APBB2: variants seen among roughly 807,000 people sequenced by gnomAD.
APBB2 encodes amyloid beta precursor protein binding family B member 2.
Under a neutral mutation model 82.5 loss-of-function variants are expected in APBB2, and 38 were observed. The ratio of observed to expected loss-of-function variants is 0.46; its 90% CI spans 0.36 to 0.60. The LOEUF is 0.60. Among genes scored for constraint, APBB2 ranks in the 20% least tolerant of loss-of-function variants. APBB2 has a pLI of 0.00. For synonymous variants in APBB2, 341 were observed against 368.2 expected, an observed-to-expected ratio of 0.93 and a Z score of 0.85; for missense variants, 772 against 972.3, an observed-to-expected ratio of 0.79 and a Z score of 2.74.
At chr4:41,170,471 C>T (rs1162327783) in intron 1 of APBB2, among the ~76,000 whole-genome samples, 3 of 152,172 alleles carry the variant, frequency 2.0e-5, no homozygotes, top group Non-Finnish European at 4.4e-5. Flanking sequence ...AACATCATCA[C>T]TTCCATAATA....
At chr4:40,823,181 A>T (rs1481495823) in intron 16 of APBB2, among the ~76,000 whole-genome samples, 1 of 152,186 alleles carries the variant, frequency 6.6e-6, no homozygotes, top group Non-Finnish European at 1.5e-5. Flanking sequence ...TCTGTGCTTC[A>T]ATTTCTTCAA....
chr4:41,024,920 C>G (rs1489108218), intron 5 of APBB2, among the ~76,000 whole-genome samples: 2 of 152,244 alleles, frequency 1.3e-5, no homozygotes, highest in Admixed American at 1.3e-4. Context: ...GAACCTGTCA[C>G]AATTTAATTA....
At chr4:40,821,046 T>C (rs981963028) in intron 17 of APBB2, among the ~76,000 whole-genome samples, 1 of 152,170 alleles carries the variant, frequency 6.6e-6, no homozygotes, top group Admixed American at 6.5e-5. Flanking sequence ...TTTGTATTTT[T>C]AGTAGAGACA....
Position 41,014,091 on chromosome 4 carries a change from C to T in APBB2, c.327G>A (p.Lys109=). 2 of 1,614,182 alleles carry T rather than the reference C, an allele frequency of 1.2e-6. No homozygotes were observed. The highest frequency in any genetic ancestry group is 1.7e-6 in the Non-Finnish European group (2 of 1,180,040). The change falls in exon 6 of 18, where the codon AAG becomes AAA. Residue 109 remains lysine, a synonymous_variant. Coordinates refer to ENST00000508593, the MANE Select transcript of APBB2 (RefSeq NM_004307.2). ...GGTCCTGCTGCCCTTGCTCTGCAGC[C>T]TTACGGAGCTGGTTCTCCCCATTTT... is the stretch of plus-strand genomic sequence containing the variant. The part of the protein sequence containing the change: ...LVKNGENQLR[K]AAEQGQQDPN...
At chr4:40,893,505 C>T (rs1024304480) in intron 10 of APBB2, 94 bp from the exon 11 acceptor site, 2 of 1,153,144 alleles carry the variant, frequency 1.7e-6, no homozygotes, top group Non-Finnish European at 2.4e-6. Context: ...AAAGGTACTA[C>T]ACTTAATGCA....
In APBB2 at chr4:40,945,081, A is replaced by AC; in HGVS notation, c.836-9_836-8insG. ...GATCACTCCATATATCTGCTGAAAA[A>AC]TTGGGGGGCGGGGCGGGGGGAGAAA... On this transcript the variant is annotated splice_polypyrimidine_tract_variant and intron_variant, in intron 6 of 17. Transcript: ENST00000508593. 2.7e-6 allele frequency: 2 copies of AC among 735,176 alleles called. No individual in the cohort carries two copies. The highest frequency in any genetic ancestry group is 4.3e-5 in the East Asian group (1 of 23,078). The allele number at this position is 735,176 out of a possible 1,614,324, so 45.5% of individuals were successfully genotyped here.
At chr4:41,179,627 C>T (rs1770792258) in intron 1 of APBB2, among the ~76,000 whole-genome samples, 1 of 152,156 alleles carries the variant, frequency 6.6e-6, no homozygotes, top group African/African-American at 2.4e-5. Context: ...AGCAATAAAC[C>T]TGCAATAATC....
chr4:41,186,858 T>C lies in APBB2; in HGVS notation c.-417+27547A>G, dbSNP rs532464939. ...TCAATGCCATACAACTAGGACATTA[T>C]GAAGCCAGAGCTGATACCTAAACTT... On this transcript the variant is annotated intron_variant, in intron 1 of 17. Transcript: ENST00000508593. 2.6e-5 allele frequency among the ~76,000 whole-genome samples: 4 copies of C among 152,330 alleles called. No homozygotes were observed. In the East Asian group the frequency reaches 5.8e-4, roughly 22 times the overall value.
At chr4:40,945,746 G>C (rs1788200402) in intron 6 of APBB2, among the ~76,000 whole-genome samples, 1 of 152,120 alleles carries the variant, frequency 6.6e-6, no homozygotes, top group Non-Finnish European at 1.5e-5. Flanking sequence ...CCAAGTAGCT[G>C]GGACTACAGG....
intron 1 of APBB2, among the ~76,000 whole-genome samples, chr4:41,188,864 G>C (rs530736497): frequency 6.6e-6 from 1 of 152,168 alleles, no homozygotes; most frequent in East Asian, 1.9e-4. Flanking sequence ...AGTGAGCCAA[G>C]ATCATGCCAC....
intron 6 of APBB2, among the ~76,000 whole-genome samples, chr4:41,006,466 T>C (rs565783994): frequency 6.6e-6 from 1 of 152,240 alleles, no homozygotes; most frequent in East Asian, 1.9e-4. Flanking sequence ...TTATTTTTTA[T>C]TTTTTTATTT....
At chr4:40,828,856 TGAGGCTGGG>T (rs1750868278) in intron 13 of APBB2, among the ~76,000 whole-genome samples, 1 of 152,206 alleles carries the variant, frequency 6.6e-6, no homozygotes, top group Non-Finnish European at 1.5e-5. Flanking sequence ...TCTTTCATTC[TGAGGCTGGG>T]GACAGCTCCC....
intron 2 of APBB2, among the ~76,000 whole-genome samples, chr4:41,132,912 C>T (rs974747421): frequency 1.3e-5 from 2 of 151,972 alleles, no homozygotes; most frequent in African/African-American, 2.4e-5. Flanking sequence ...TACTGCTCAG[C>T]TATCCCGATT....
rs1345422755 is a variant in APBB2, at chr4:40,810,246, A to AT, written c.*5845dup. ...ATTATAGCGGTAATACATTATTTTT[A>AT]TTTTAGCTTAGATTTACATTTATCA... On this transcript the variant is annotated 3_prime_UTR_variant, in exon 18 of 18. Transcript: ENST00000508593. 1 of 152,154 alleles carries AT rather than the reference A, an allele frequency of 6.6e-6. No individual in the cohort carries two copies. The highest frequency in any genetic ancestry group is 1.5e-5 in the Non-Finnish European group (1 of 68,016). The allele number at this position is 152,154 out of a possible 1,614,324, so 9.4% of individuals were successfully genotyped here.
At chr4:41,172,966 CTG>C (rs1768732822) in intron 1 of APBB2, among the ~76,000 whole-genome samples, 1 of 152,150 alleles carries the variant, frequency 6.6e-6, no homozygotes, top group South Asian at 2.1e-4. Context: ...TTTTTTTACT[CTG>C]AAATAAATCT....
intron 3 of APBB2, 33 bp from the exon 4 acceptor site, chr4:41,065,706 A>G (rs1731490695): frequency 1.3e-5 from 2 of 150,660 alleles, no homozygotes; most frequent in Admixed American, 1.3e-4. Context: ...AAAGGTAGAA[A>G]CAAAACAGAG....
intron 6 of APBB2, among the ~76,000 whole-genome samples, chr4:40,974,896 A>T (rs1474827685): frequency 6.6e-6 from 1 of 152,180 alleles, no homozygotes; most frequent in Non-Finnish European, 1.5e-5. Flanking sequence ...CTGCTTTATT[A>T]AAAAAAGTGC....
intron 12 of APBB2, among the ~76,000 whole-genome samples, chr4:40,869,908 C>T (rs1239651528): frequency 6.6e-6 from 1 of 151,582 alleles, no homozygotes; most frequent in African/African-American, 2.4e-5. Context: ...TCAAAGCAGG[C>T]CCCAGTCACC....
chr4:40,941,707 T>C (rs556961853), intron 7 of APBB2, among the ~76,000 whole-genome samples: 2 of 152,352 alleles, frequency 1.3e-5, no homozygotes, highest in East Asian at 3.9e-4. Flanking sequence ...ATAGCTCACC[T>C]GCAGCCTCAA....
Sources: gnomAD v4.1 joint callset for allele counts (sites outside exome capture counted in the v4.1 genomes callset) on GRCh38, gnomAD v4.1.1 for gene constraint, MANE v1.5 for transcripts, NCBI Gene and HGNC (gene_info 2026-07-23, HGNC 2026-07-21) for gene names.